Variants in BCKDHB observed in about 807,000 individuals in gnomAD.
BCKDHB encodes the protein 2-oxoisovalerate dehydrogenase subunit beta, mitochondrial.
BCKDHB carries 41 observed loss-of-function variants against 48.5 expected under a neutral mutation model. The observed-to-expected ratio is 0.85, with a 90% CI of 0.66 to 1.10. BCKDHB has a LOEUF of 1.10. Ranked by LOEUF, BCKDHB falls within the 50% of genes least tolerant of loss-of-function variation. BCKDHB has a pLI of 0.00. For missense variants in BCKDHB, 496 were observed against 494.2 expected, an observed-to-expected ratio of 1.00 and a Z score of -0.03; for synonymous variants, 201 against 174.8, an observed-to-expected ratio of 1.15 and a Z score of -1.18.
downstream of BCKDHB, among the ~76,000 whole-genome samples, chr6:80,351,256 TC>T (rs1425071172): frequency 1.3e-5 from 2 of 152,204 alleles, no homozygotes; most frequent in Non-Finnish European, 2.9e-5. Context: ...CAGATAGATT[TC>T]AAAACCATCT....
chr6:80,370,497 T>C, the BCKDHB span, among the ~76,000 whole-genome samples: 1 of 152,132 alleles, frequency 6.6e-6, no homozygotes, highest in Non-Finnish European at 1.5e-5. Flanking sequence ...GGTGCACCCA[T>C]CACCAGAGCA....
At chr6:80,300,022 G>A (rs913295938) in intron 9 of BCKDHB, among the ~76,000 whole-genome samples, 7 of 149,986 alleles carry the variant, frequency 4.7e-5, no homozygotes, top group African/African-American at 7.3e-5. Context: ...TCATGCAAAC[G>A]GAAAACAAAA....
the BCKDHB span, among the ~76,000 whole-genome samples, chr6:80,416,697 G>C: frequency 6.6e-6 from 1 of 151,660 alleles, no homozygotes; most frequent in Non-Finnish European, 1.5e-5. Flanking sequence ...TTTTACTTCT[G>C]ATTATGTGAT....
chr6:80,123,906 G>A (rs1489390488), intron 1 of BCKDHB, among the ~76,000 whole-genome samples: 1 of 152,050 alleles, frequency 6.6e-6, no homozygotes, highest in Non-Finnish European at 1.5e-5. Context: ...GTTCTGCTCT[G>A]ATCTTAGTTA....
At chr6:80,115,781 C>A (rs756473159) in intron 1 of BCKDHB, among the ~76,000 whole-genome samples, 1 of 151,952 alleles carries the variant, frequency 6.6e-6, no homozygotes, top group Non-Finnish European at 1.5e-5. Flanking sequence ...GAACTACAGG[C>A]GCCTGCCACC....
At chr6:80,321,795 TTCTG>T (rs1175894541) in intron 9 of BCKDHB, among the ~76,000 whole-genome samples, 1 of 152,212 alleles carries the variant, frequency 6.6e-6, no homozygotes, top group African/African-American at 2.4e-5. Context: ...AATGATTCTC[TTCTG>T]TCTTTCCGTT....
intron 8 of BCKDHB, among the ~76,000 whole-genome samples, chr6:80,248,949 A>G (rs1281410548): frequency 6.6e-6 from 1 of 151,046 alleles, no homozygotes; most frequent in Non-Finnish European, 1.5e-5. Context: ...GTGTGTGTGC[A>G]TCCCAGAATA....
chr6:80,150,650 G>C (rs1771728854), intron 3 of BCKDHB, among the ~76,000 whole-genome samples: 1 of 146,062 alleles, frequency 6.8e-6, no homozygotes, highest in Admixed American at 7.4e-5. Context: ...TCTGCTTTCT[G>C]GGTTCAAGTG....
intron 8 of BCKDHB, among the ~76,000 whole-genome samples, chr6:80,243,996 T>G (rs1776502609): frequency 1.3e-5 from 2 of 152,196 alleles, no homozygotes; most frequent in African/African-American, 4.8e-5. Context: ...AAACTGAAAA[T>G]AAGAAGCCAC....
the BCKDHB span, among the ~76,000 whole-genome samples, chr6:80,369,393 G>A: frequency 6.6e-6 from 1 of 152,142 alleles, no homozygotes; most frequent in African/African-American, 2.4e-5. Context: ...GAACCCAGAA[G>A]AGTTTGAAGG....
chr6:80,383,363 T>G, the BCKDHB span, among the ~76,000 whole-genome samples: 1 of 152,086 alleles, frequency 6.6e-6, no homozygotes, highest in Non-Finnish European at 1.5e-5. Context: ...TCTATAATTT[T>G]TAAAAACATT....
intron 9 of BCKDHB, among the ~76,000 whole-genome samples, chr6:80,333,696 A>G (rs1769433137): frequency 6.6e-6 from 1 of 152,218 alleles, no homozygotes; most frequent in Non-Finnish European, 1.5e-5. Flanking sequence ...TTTAGCCCCA[A>G]GTAAGTAGAT....
At chr6:80,449,318 A>G in the BCKDHB span, among the ~76,000 whole-genome samples, 2 of 152,166 alleles carry the variant, frequency 1.3e-5, no homozygotes, top group African/African-American at 4.8e-5. Context: ...CTTGTTATTC[A>G]TTTGTTCATT....
intron 6 of BCKDHB, among the ~76,000 whole-genome samples, chr6:80,186,131 T>C (rs915124695): frequency 6.6e-6 from 1 of 152,142 alleles, no homozygotes; most frequent in African/African-American, 2.4e-5. Flanking sequence ...GTACTTGGGT[T>C]CTTCAGGCAA....
the BCKDHB span, among the ~76,000 whole-genome samples, chr6:80,401,490 A>G: frequency 6.6e-6 from 1 of 151,658 alleles, no homozygotes; most frequent in Non-Finnish European, 1.5e-5. Context: ...CTGAAATCTC[A>G]TGTCAAATTG....
chr6:80,356,959 C>CG, the BCKDHB span: 1 of 122,584 alleles, frequency 8.2e-6, no homozygotes, highest in Non-Finnish European at 1.7e-5. Context: ...CCCGCCCCCC[C>CG]CCCACACACA....
chr6:80,317,020 T>C (rs1768482438), intron 9 of BCKDHB, among the ~76,000 whole-genome samples: 1 of 152,204 alleles, frequency 6.6e-6, no homozygotes, highest in South Asian at 2.1e-4. Context: ...TCACTGGGCT[T>C]GCTCTAATTC....
the BCKDHB span, among the ~76,000 whole-genome samples, chr6:80,407,865 G>A: frequency 6.6e-6 from 1 of 152,186 alleles, no homozygotes; most frequent in East Asian, 1.9e-4. Flanking sequence ...TTGCCTGATT[G>A]CCCTGGCTGG....
intron 7 of BCKDHB, among the ~76,000 whole-genome samples, chr6:80,202,460 A>G (rs530187817): frequency 2.0e-5 from 3 of 152,194 alleles, no homozygotes; most frequent in South Asian, 4.1e-4. Context: ...GTCTGTATTT[A>G]ATTTCTTAAA....
Sources: allele counts gnomAD v4.1 joint callset (sites outside exome capture counted in the v4.1 genomes callset), GRCh38; gene constraint gnomAD v4.1.1; transcripts MANE v1.5; gene names NCBI Gene and HGNC (gene_info 2026-07-23, HGNC 2026-07-21).